The following RAD51AP1 variants were observed in gnomAD, a reference collection of about 807,000 sequenced individuals.
The protein encoded by RAD51AP1 is RAD51-associated protein 1.
Under a neutral mutation model 34.3 loss-of-function variants are expected in RAD51AP1, and 14 were observed. That is an observed-to-expected ratio of 0.41 (90% CI 0.27 to 0.64). The LOEUF is 0.64. Ranked by LOEUF, RAD51AP1 falls within the 30% of genes least tolerant of loss-of-function variation. The pLI, the probability that RAD51AP1 is intolerant of heterozygous loss-of-function variation, is 0.33. For missense variants in RAD51AP1, 348 were observed against 386.9 expected (o/e 0.90, Z 0.84); for synonymous variants, 114 against 129.8 (o/e 0.88, Z 0.83).
chr12:4,548,480 T>G (rs1021305962), intron 5 of RAD51AP1, among the ~76,000 whole-genome samples: 5 of 152,220 alleles, frequency 3.3e-5, no homozygotes, highest in Admixed American at 6.5e-5. Flanking sequence ...TGTTTGGGTC[T>G]TGGATTTATC....
chr12:4,553,111 A>C lies in RAD51AP1; in HGVS notation c.685A>C (p.Lys229Gln), dbSNP rs774136184. ...EVKVKSPVEK[K>Q]EKKSKSKCNA... ...GAAGGTAAAATCCCCAGTAGAAAAGAAAGAGAAGAAATCTAAATCCAAATG... is the reference window on the plus strand; with the variant it reads ...GAAGGTAAAATCCCCAGTAGAAAAGCAAGAGAAGAAATCTAAATCCAAATG... The change falls in exon 7 of 9, where the codon AAA becomes CAA. Residue 229 changes from lysine (K) to glutamine (Q), a missense_variant. Physicochemically the swap from Lys to Gln is moderately conservative, Grantham distance 53. Coordinates refer to ENST00000352618, the MANE Select transcript of RAD51AP1 (RefSeq NM_006479.5). 6.3e-7 allele frequency: 1 copy of C among 1,590,830 alleles called. No individual in the cohort carries two copies. The highest frequency in any genetic ancestry group is 8.5e-7 in the Non-Finnish European group (1 of 1,169,892).
intron 3 of RAD51AP1, chr12:4,545,720 C>G: frequency 6.3e-7 from 1 of 1,582,588 alleles, no homozygotes; most frequent in Non-Finnish European, 8.6e-7. Context: ...ACTTTATAGT[C>G]TGCCTTTTAT....
At position 4,546,330 on chromosome 12, in the gene RAD51AP1, C is replaced by G; in HGVS notation, c.231C>G (p.Leu77=). ...PKKRMALDDK[L]YQRDLEVALA... The stretch of plus-strand genomic sequence containing the variant: ...TTAGGATGGCTTTAGATGACAAGCT[C>G]TACCAGAGAGACTTAGAAGTTGCAC... The change falls in exon 4 of 9, where the codon CTC becomes CTG. Residue 77 remains leucine, a synonymous_variant. Transcript: ENST00000352618. 1.2e-6 allele frequency: 2 copies of G among 1,611,342 alleles called. No homozygotes were observed. Among genetic ancestry groups the G allele is most frequent in the Non-Finnish European group, 1.7e-6 (2 of 1,178,902 alleles).
Position 4,556,436 on chromosome 12 carries a change from A to G in RAD51AP1, c.805A>G (p.Thr269Ala). ...PKKVSLSSDT[T>A]RKPLEIRSPS... ...AAAGGTTTCTCTGTCTTCAGATACCACTAGGAAACCATTAGAAATACGCAG... is the reference window on the plus strand; with the variant it reads ...AAAGGTTTCTCTGTCTTCAGATACCGCTAGGAAACCATTAGAAATACGCAG... Residue 269 changes from threonine to alanine, a missense_variant, in exon 8 of 9, where the codon ACT becomes GCT. By Grantham distance (58) the Thr-to-Ala change is moderately conservative. Coordinates refer to ENST00000352618, the MANE Select transcript of RAD51AP1 (RefSeq NM_006479.5). The G allele has an allele frequency of 1.2e-6, 2 of 1,613,724 alleles. No homozygotes were observed. Among genetic ancestry groups the G allele is most frequent in the Non-Finnish European group, 1.7e-6 (2 of 1,179,612 alleles).
chr12:4,545,579 A>G (rs148493381), intron 3 of RAD51AP1, among the ~76,000 whole-genome samples: 40 of 152,252 alleles, frequency 2.6e-4, no homozygotes, highest in African/African-American at 9.2e-4. Context: ...TCTTAAGAAA[A>G]CTGTTATTCT....
chr12:4,546,292 T>A lies in RAD51AP1; in HGVS notation c.210-17T>A, dbSNP rs1184607525. 6.6e-7 allele frequency: 1 copy of A among 1,516,188 alleles called. No homozygotes were observed. The allele number at this position is 1,516,188 out of a possible 1,614,324, so 93.9% of individuals were successfully genotyped here. A position where few individuals can be genotyped will look rare whatever the true frequency, so the allele number is the denominator to read the frequency against. On this transcript the variant is annotated splice_polypyrimidine_tract_variant and intron_variant, in intron 3 of 8. Transcript: ENST00000352618. ...GATATTTTGAAGAACTCATTATTAC[T>A]TGTGTATCTATTTTAGGATGGCTTT...
intron 3 of RAD51AP1, among the ~76,000 whole-genome samples, 155 bp from the exon 4 acceptor site, chr12:4,546,154 A>G (rs982349897): frequency 8.8e-6 from 1 of 113,884 alleles, no homozygotes; most frequent in African/African-American, 4.2e-5. Context: ...TAGGAGTCTT[A>G]TCTTATCATC....
At chr12:4,547,499 C>T (rs182686788) in intron 4 of RAD51AP1, among the ~76,000 whole-genome samples, 58 of 152,298 alleles carry the variant, frequency 3.8e-4, no homozygotes, top group Non-Finnish European at 1.3e-4. Flanking sequence ...TCTTTTAAGA[C>T]ATTGTAGAAT....
Position 4,543,753 on chromosome 12 carries a change from A to G in RAD51AP1, c.68-10A>G. On this transcript the variant is annotated splice_polypyrimidine_tract_variant and intron_variant, in intron 2 of 8. Coordinates refer to ENST00000352618, the MANE Select transcript of RAD51AP1 (RefSeq NM_006479.5). ...TATTTTTCTTTTGGTTTTAATTCAC[A>G]CATGAATAGATGATTTTGTTTCTGC... The G allele has an allele frequency of 1.9e-6, 3 of 1,561,432 alleles. No individual in the cohort carries two copies. The highest frequency in any genetic ancestry group is 2.6e-6 in the Non-Finnish European group (3 of 1,153,340).
At chr12:4,549,449 A>G (rs977020808) in intron 6 of RAD51AP1, among the ~76,000 whole-genome samples, 1 of 152,238 alleles carries the variant, frequency 6.6e-6, no homozygotes, top group Non-Finnish European at 1.5e-5. Context: ...TTGATATACT[A>G]TCAACAAACA....
chr12:4,543,685 C>A, intron 2 of RAD51AP1, 78 bp from the exon 3 acceptor site: 1 of 1,053,054 alleles, frequency 9.5e-7, no homozygotes, highest in Non-Finnish European at 1.3e-6. Context: ...CCTATAAAAA[C>A]TTGAACACAC....
chr12:4,548,374 A>G (rs149226152), intron 5 of RAD51AP1, among the ~76,000 whole-genome samples, 196 bp downstream of exon 5: 2 of 152,188 alleles, frequency 1.3e-5, no homozygotes, highest in Non-Finnish European at 2.9e-5. Flanking sequence ...AAGGGTCATA[A>G]CTACCCGTGG....
intron 8 of RAD51AP1, 48 bp downstream of exon 8, chr12:4,556,550 G>A: frequency 6.3e-7 from 1 of 1,581,454 alleles, no homozygotes; most frequent in Non-Finnish European, 8.6e-7. Context: ...AATTATCACT[G>A]GTAAATTTTT....
intron 2 of RAD51AP1, among the ~76,000 whole-genome samples, chr12:4,542,572 CTTT>C (rs34064065): frequency 3.6e-5 from 5 of 139,886 alleles, no homozygotes; most frequent in Non-Finnish European, 3.1e-5. Flanking sequence ...TAACATCTAG[CTTT>C]TTTTTTTTTT....
chr12:4,559,095 G>C lies in RAD51AP1; in HGVS notation c.*102G>C. 5 of 1,408,286 alleles carry C rather than the reference G, an allele frequency of 3.6e-6. No homozygotes were observed. In the African/African-American group the frequency reaches 7.1e-5, roughly 20 times the overall value. The allele number at this position is 1,408,286 out of a possible 1,614,324, so 87.2% of individuals were successfully genotyped here. A position where few individuals can be genotyped will look rare whatever the true frequency, so the allele number is the denominator to read the frequency against. On this transcript the variant is annotated 3_prime_UTR_variant, in exon 9 of 9. Coordinates refer to ENST00000352618, the MANE Select transcript of RAD51AP1 (RefSeq NM_006479.5). ...TTGAGGCAGGTATTGTAATATAAAG[G>C]AATCCATTACCATGTCCTATAAATG...
intron 6 of RAD51AP1, 99 bp downstream of exon 6, chr12:4,548,935 G>A: frequency 1.5e-6 from 2 of 1,359,498 alleles, no homozygotes; most frequent in Non-Finnish European, 2.0e-6. Context: ...AAACCTTTGG[G>A]GTGTGCAAAC....
intron 2 of RAD51AP1, among the ~76,000 whole-genome samples, chr12:4,542,761 T>G (rs1268285222): frequency 6.6e-6 from 1 of 152,210 alleles, no homozygotes. Context: ...ATATATGTGT[T>G]GTATACATGT....
At chr12:4,540,755 A>G (rs530375470) in intron 1 of RAD51AP1, among the ~76,000 whole-genome samples, 1 of 152,276 alleles carries the variant, frequency 6.6e-6, no homozygotes, top group East Asian at 1.9e-4. Flanking sequence ...GAAGAGTAAG[A>G]GAGTAATATG....
At chr12:4,543,970 C>T (rs1005063293) in intron 3 of RAD51AP1, 66 bp downstream of exon 3, 14 of 1,314,646 alleles carry the variant, frequency 1.1e-5, no homozygotes, top group East Asian at 2.6e-5. Flanking sequence ...GACACAGATT[C>T]GAACCCTTGA....
Sources: gnomAD v4.1 joint callset for allele counts (sites outside exome capture counted in the v4.1 genomes callset) on GRCh38, gnomAD v4.1.1 for gene constraint, MANE v1.5 for transcripts, NCBI Gene and HGNC (gene_info 2026-07-23, HGNC 2026-07-21) for gene names.